CD44: variants seen among roughly 807,000 people sequenced by gnomAD.
The protein encoded by CD44 is CD44 molecule (IN blood group), also known as CD44 antigen.
In CD44, 49 loss-of-function variants were observed where a neutral mutation model predicts 88.8. That is an observed-to-expected ratio of 0.55 (90% confidence interval 0.44 to 0.70). CD44 has a LOEUF of 0.70. Ranked by LOEUF, CD44 falls within the 30% of genes least tolerant of loss-of-function variation. The pLI is 0.00. For synonymous variants in CD44, 325 were observed against 312.3 expected, an observed-to-expected ratio of 1.04 and a Z score of -0.43; for missense variants, 883 against 913.8, an observed-to-expected ratio of 0.97 and a Z score of 0.43.
chr11:35,197,845 G>A (rs1428186077), intron 6 of CD44: 4 of 336,212 alleles, frequency 1.2e-5, no homozygotes, highest in South Asian at 9.9e-5. Flanking sequence ...GTTTTCATTA[G>A]CCTTTAAAAA....
chr11:35,226,831 A>C (rs1949717911), intron 17 of CD44, among the ~76,000 whole-genome samples: 1 of 151,138 alleles, frequency 6.6e-6, no homozygotes, highest in African/African-American at 2.4e-5. Context: ...ACATAGCAGT[A>C]AGTTCTCAAA....
At chr11:35,156,037 C>G (rs1023721377) in intron 1 of CD44, among the ~76,000 whole-genome samples, 3 of 152,102 alleles carry the variant, frequency 2.0e-5, no homozygotes, top group Non-Finnish European at 2.9e-5. Context: ...TAGTTTCTAC[C>G]CCAGAGCTGA....
chr11:35,222,280 C>A, intron 17 of CD44: 1 of 558,288 alleles, frequency 1.8e-6, no homozygotes, highest in Non-Finnish European at 3.1e-6. Context: ...TGGCCTTGTG[C>A]TTTTGTTTGT....
At chr11:35,225,933 G>C (rs2134431200) in intron 17 of CD44, among the ~76,000 whole-genome samples, 1 of 152,318 alleles carries the variant, frequency 6.6e-6, no homozygotes, top group Middle Eastern at 3.4e-3. Flanking sequence ...TCTTGGACTT[G>C]GTGTCCAGTT....
intron 1 of CD44, among the ~76,000 whole-genome samples, chr11:35,156,841 G>A (rs1194673001): frequency 6.6e-6 from 1 of 152,188 alleles, no homozygotes; most frequent in African/African-American, 2.4e-5. Flanking sequence ...AGAGGTTGCT[G>A]GGCAACATAG....
chr11:35,182,960 C>A (rs1304029939), intron 3 of CD44, among the ~76,000 whole-genome samples: 1 of 152,184 alleles, frequency 6.6e-6, no homozygotes, highest in Non-Finnish European at 1.5e-5. Flanking sequence ...CAGGCTGCGA[C>A]TGAGACTTGT....
At chr11:35,208,783 A>T (rs1948130523) in intron 12 of CD44, among the ~76,000 whole-genome samples, 2 of 152,204 alleles carry the variant, frequency 1.3e-5, no homozygotes. Context: ...AGTAGCCTTA[A>T]TTTCTACTCT....
intron 1 of CD44, among the ~76,000 whole-genome samples, chr11:35,146,439 A>G (rs1000125926): frequency 1.1e-4 from 16 of 152,214 alleles, no homozygotes; most frequent in Non-Finnish European, 1.9e-4. Context: ...TCTTTGCACA[A>G]GTTCTATGTT....
chr11:35,214,384 G>A (rs1005642078), intron 14 of CD44, among the ~76,000 whole-genome samples: 10 of 151,860 alleles, frequency 6.6e-5, no homozygotes, highest in African/African-American at 1.2e-4. Flanking sequence ...ATTTCCTGCC[G>A]CCAAGAAATC....
At chr11:35,144,718 T>C (rs772592318) in intron 1 of CD44, among the ~76,000 whole-genome samples, 2 of 152,214 alleles carry the variant, frequency 1.3e-5, no homozygotes, top group Non-Finnish European at 2.9e-5. Flanking sequence ...GGATCTCAAA[T>C]ATGCAAACAC....
chr11:35,208,144 C>A lies in CD44; in HGVS notation c.1454C>A (p.Ala485Glu). 1 of 1,612,584 alleles carries A rather than the reference C, an allele frequency of 6.2e-7. No individual in the cohort carries two copies. Among genetic ancestry groups the A allele is most frequent in the South Asian group, 1.1e-5 (1 of 91,036 alleles). The change falls in exon 12 of 18, where the codon GCA (alanine) becomes GAA (glutamate). Residue 485 changes from alanine to glutamate, a missense_variant. Transcript: ENST00000428726. ...SSHSITLQPT[A>E]NPNTGLVEDL... is the part of the protein sequence containing the mutation. ...CATAGTATAACGCTTCAGCCTACTG[C>A]AAATCCAAACACAGGTTTGGTGGAA... is the stretch of plus-strand genomic sequence containing the variant.
At chr11:35,184,886 A>G (rs942722689) in intron 3 of CD44, among the ~76,000 whole-genome samples, 4 of 152,128 alleles carry the variant, frequency 2.6e-5, no homozygotes, top group African/African-American at 4.8e-5. Flanking sequence ...AGGTGTGTTT[A>G]CTGGAAGAAT....
intron 17 of CD44, 113 bp downstream of exon 17, chr11:35,221,845 G>A (rs1949330434): frequency 2.1e-6 from 2 of 931,454 alleles, no homozygotes; most frequent in Non-Finnish European, 1.8e-6. Flanking sequence ...GGGTACCCTG[G>A]GAGTTTGTTG....
At chr11:35,205,247 C>A (rs188760588) in intron 10 of CD44, among the ~76,000 whole-genome samples, 1 of 152,312 alleles carries the variant, frequency 6.6e-6, no homozygotes, top group East Asian at 1.9e-4. Context: ...GATAACTTGG[C>A]TTTGCAAGCT....
chr11:35,157,743 C>T (rs748961022), intron 1 of CD44, among the ~76,000 whole-genome samples: 2 of 152,208 alleles, frequency 1.3e-5, no homozygotes, highest in African/African-American at 4.8e-5. Flanking sequence ...GGGCATCACC[C>T]CAAGGGAAGC....
chr11:35,161,357 AGGAC>A (rs1165126988), intron 1 of CD44, among the ~76,000 whole-genome samples: 16 of 152,360 alleles, frequency 1.1e-4, no homozygotes, highest in Middle Eastern at 3.4e-3. Context: ...AGCTCAAGCC[AGGAC>A]TTGGACCCAA....
intron 4 of CD44, among the ~76,000 whole-genome samples, chr11:35,188,480 T>C (rs1343991134): frequency 6.6e-6 from 1 of 152,238 alleles, no homozygotes; most frequent in Non-Finnish European, 1.5e-5. Flanking sequence ...CAGCCCATAG[T>C]AGAGGTTTAA....
At chr11:35,143,085 T>C (rs1858326210) in intron 1 of CD44, among the ~76,000 whole-genome samples, 1 of 152,068 alleles carries the variant, frequency 6.6e-6, no homozygotes, top group African/African-American at 2.4e-5. Flanking sequence ...AAATACTACC[T>C]TACAGACTCA....
At position 35,202,977 on chromosome 11, in the gene CD44, A is replaced by T. The variant is rs78889178; in HGVS notation, c.1153+1190A>T. Among the ~76,000 whole-genome samples the T allele has an allele frequency of 7.2e-3, 1,097 of 152,336 alleles. 9 individuals carry two copies. The highest frequency in any genetic ancestry group is 0.026 in the African/African-American group (1,062 of 41,580). ...AGAAAGCTACTTTAGAGACTTGGAA[A>T]TAATGAGCCTATTGTCAAAAGGTGG... On this transcript the variant is annotated intron_variant, in intron 9 of 17. Coordinates refer to ENST00000428726, the MANE Select transcript of CD44 (RefSeq NM_000610.4).
Sources: gnomAD v4.1 joint callset for allele counts (sites outside exome capture counted in the v4.1 genomes callset) on GRCh38, gnomAD v4.1.1 for gene constraint, MANE v1.5 for transcripts, NCBI Gene and HGNC (gene_info 2026-07-23, HGNC 2026-07-21) for gene names.